Variants in ABL1 observed in about 807,000 individuals in gnomAD.
ABL1 encodes tyrosine-protein kinase ABL1.
ABL1 carries 11 observed loss-of-function variants against 94.7 expected under a neutral mutation model. The observed-to-expected ratio is 0.12, with a 90% CI of 0.07 to 0.19. ABL1 has a LOEUF of 0.19. Among genes scored for constraint, ABL1 ranks in the 10% least tolerant of loss-of-function variants. ABL1 has a pLI of 1.00. For missense variants in ABL1, 1,082 were observed against 1,489.4 expected (o/e 0.73, Z 4.50); for synonymous variants, 656 against 622.4 (o/e 1.05, Z -0.80).
intron 4 of ABL1, among the ~76,000 whole-genome samples, chr9:130,870,510 G>A (rs150170225): frequency 1.4e-3 from 212 of 152,274 alleles, no homozygotes; most frequent in African/African-American, 4.6e-3. Flanking sequence ...AGTCCTATAC[G>A]TGAGCAGCAT....
rs149406998 is a variant in ABL1, at chr9:130,786,562, T to C, written c.137-67502T>C. Among the ~76,000 whole-genome samples the C allele has an allele frequency of 1.6e-4, 25 of 152,332 alleles. No individual in the cohort carries two copies. The East Asian group carries it at 4.6e-3, about 28-fold the overall frequency. On this transcript the variant is annotated intron_variant, in intron 1 of 10. Transcript: ENST00000372348. The stretch of plus-strand genomic sequence containing the variant: ...TCCTGACTGGTACATCACCTCTTCC[T>C]CGGAATTTGCGGGCAGGGAAGTGAT...
At chr9:130,848,227 G>A (rs1004851737) in intron 1 of ABL1, among the ~76,000 whole-genome samples, 5 of 151,912 alleles carry the variant, frequency 3.3e-5, no homozygotes, top group South Asian at 2.1e-4. Flanking sequence ...AGGGCCAGGC[G>A]CGGTGGCTCC....
chr9:130,884,021 A>C lies in ABL1; in HGVS notation c.1731A>C (p.Arg577=). 1.2e-6 allele frequency: 2 copies of C among 1,613,838 alleles called. No individual in the cohort carries two copies. Among genetic ancestry groups the C allele is most frequent in the Non-Finnish European group, 1.7e-6 (2 of 1,180,018 alleles). ...CTCCATTGCTCCCTCGAAAAGAGCG[A>C]GGTCCCCCGGAGGGCGGCCTGAATG... ...AVSPLLPRKE[R]GPPEGGLNED... Residue 577 remains arginine (R), a synonymous_variant, in exon 11 of 11, where the codon CGA becomes CGC. Coordinates refer to ENST00000318560, the MANE Select transcript of ABL1 (RefSeq NM_005157.6). The surrounding 1 kb of genome is among the most constrained non-coding windows in gnomAD (Gnocchi z 5.6).
chr9:130,751,343 A>T (rs1264528544), intron 1 of ABL1, among the ~76,000 whole-genome samples: 3 of 151,680 alleles, frequency 2.0e-5, no homozygotes, highest in Non-Finnish European at 4.4e-5. Flanking sequence ...GCATCTCACC[A>T]TGCTGGCCAG....
exon 1 of ABL1, chr9:130,714,143 T>TA: frequency 1.9e-6 from 1 of 522,068 alleles, no homozygotes; most frequent in Non-Finnish European, 3.0e-6. Flanking sequence ...AGTGTCAACC[T>TA]AAAAAAAGTG....
At chr9:130,778,400 C>G (rs1427325742) in intron 1 of ABL1, among the ~76,000 whole-genome samples, 1 of 152,224 alleles carries the variant, frequency 6.6e-6, no homozygotes, top group African/African-American at 2.4e-5. Flanking sequence ...TTAATACTTT[C>G]CAAACTTTAT....
intron 1 of ABL1, among the ~76,000 whole-genome samples, chr9:130,715,792 G>C (rs1472039759): frequency 6.6e-6 from 1 of 152,184 alleles, no homozygotes; most frequent in Non-Finnish European, 1.5e-5. Context: ...AGAGAAAGCA[G>C]TGTAGTTCCC....
chr9:130,791,883 T>C (rs1047709426), intron 1 of ABL1, among the ~76,000 whole-genome samples: 10 of 152,310 alleles, frequency 6.6e-5, no homozygotes, highest in Admixed American at 2.6e-4. Context: ...ATAAACTCCC[T>C]TTCATATATA....
At chr9:130,794,038 A>G (rs7868208) in intron 1 of ABL1, among the ~76,000 whole-genome samples, 40,285 of 151,982 alleles carry the variant, frequency 0.27, 7,518 homozygotes, top group African/African-American at 0.54. Flanking sequence ...TCTACATTAC[A>G]GTGGGTTGTA....
intron 1 of ABL1, among the ~76,000 whole-genome samples, chr9:130,847,198 A>G (rs1830786703): frequency 6.6e-6 from 1 of 152,168 alleles, no homozygotes; most frequent in African/African-American, 2.4e-5. Context: ...ACTTTTGAAG[A>G]TCCAGATCTT....
chr9:130,863,065 G>A lies in ABL1; in HGVS notation c.822+30G>A. On this transcript the variant is annotated intron_variant, in intron 4 of 10. Coordinates refer to ENST00000318560, the MANE Select transcript of ABL1 (RefSeq NM_005157.6). The surrounding 1 kb of genome is among the most constrained non-coding windows in gnomAD (Gnocchi z 4.3). ...GCTGGGACTGCCGGGGGTGCCCAGG[G>A]TACGTGGGGCAAGGCGTCTGCTGGC... 2 of 1,561,038 alleles carry A rather than the reference G, an allele frequency of 1.3e-6. No individual in the cohort carries two copies. Among genetic ancestry groups the A allele is most frequent in the East Asian group, 2.3e-5 (1 of 44,110 alleles).
chr9:130,745,101 G>A (rs548684166), intron 1 of ABL1, among the ~76,000 whole-genome samples: 2 of 150,054 alleles, frequency 1.3e-5, no homozygotes, highest in South Asian at 2.1e-4. Context: ...TTTTTTTGAG[G>A]GGGGCAGAGT....
chr9:130,815,171 TA>T (rs774584335), intron 1 of ABL1, among the ~76,000 whole-genome samples: 22 of 151,294 alleles, frequency 1.5e-4, no homozygotes, highest in Non-Finnish European at 2.5e-4. Context: ...CCATCTCTAC[TA>T]AAAGTACAAA....
intron 1 of ABL1, among the ~76,000 whole-genome samples, chr9:130,853,079 C>CA (rs1265440181): frequency 6.7e-6 from 1 of 148,656 alleles, no homozygotes; most frequent in African/African-American, 2.5e-5. Context: ...GGGTGATCAC[C>CA]AAAAAAACAG....
chr9:130,863,222 C>T lies in ABL1; in HGVS notation c.822+187C>T, dbSNP rs17147276. On this transcript the variant is annotated intron_variant, in intron 4 of 10. Coordinates refer to ENST00000318560, the MANE Select transcript of ABL1 (RefSeq NM_005157.6). This position sits in a 1 kb window ranked among gnomAD's most constrained non-coding sequence, Gnocchi z 4.3. ...TAGGAGTGGAATCATTCTCATAGTC[C>T]GAGTGTGTTTCCACATATGGTGAGA... is the stretch of plus-strand genomic sequence containing the variant. Among the ~76,000 whole-genome samples the T allele has an allele frequency of 0.02, 3,004 of 152,060 alleles. 215 individuals carry two copies. The East Asian group carries it at 0.26, about 13-fold the overall frequency.
intron 1 of ABL1, among the ~76,000 whole-genome samples, chr9:130,760,135 G>A (rs1158389780): frequency 6.6e-6 from 1 of 151,934 alleles, no homozygotes; most frequent in Non-Finnish European, 1.5e-5. Context: ...ATTTAACCTG[G>A]TTGAAATGTG....
At chr9:130,870,345 G>T (rs1452542679) in intron 4 of ABL1, among the ~76,000 whole-genome samples, 1 of 152,220 alleles carries the variant, frequency 6.6e-6, no homozygotes. Flanking sequence ...AAGAGGGTCA[G>T]TAGCTATAAA....
chr9:130,765,312 C>G (rs544446710), intron 1 of ABL1, among the ~76,000 whole-genome samples: 1 of 152,078 alleles, frequency 6.6e-6, no homozygotes, highest in African/African-American at 2.4e-5. Flanking sequence ...GCCAGCAACC[C>G]GGGGGCCACC....
At chr9:130,882,932 T>G (rs570715803) in intron 10 of ABL1, among the ~76,000 whole-genome samples, 1 of 152,110 alleles carries the variant, frequency 6.6e-6, no homozygotes, top group East Asian at 2.0e-4. Flanking sequence ...ATCCCAGCAC[T>G]TTAGGAGGCC....
Sources: allele counts gnomAD v4.1 joint callset (sites outside exome capture counted in the v4.1 genomes callset), GRCh38; gene constraint gnomAD v4.1.1; non-coding constraint Gnocchi (gnomAD v3.1); transcripts MANE v1.5; gene names NCBI Gene and HGNC (gene_info 2026-07-23, HGNC 2026-07-21).